AMZ2: variants seen among roughly 807,000 people sequenced by gnomAD.
AMZ2 encodes archaelysin family metallopeptidase 2, also known as archaemetzincin-2.
Under a neutral mutation model 36.7 loss-of-function variants are expected in AMZ2, and 26 were observed. That is an observed-to-expected ratio of 0.71 (90% CI 0.52 to 0.98). AMZ2 has a LOEUF of 0.98. Ranked by LOEUF, AMZ2 falls within the 50% of genes least tolerant of loss-of-function variation. The pLI is 0.00. For synonymous variants in AMZ2, 144 were observed against 149.1 expected (o/e 0.97, Z 0.25); for missense variants, 394 against 430.5 (o/e 0.92, Z 0.75).
chr17:68,246,195 C>CAAAAAAAAAAAA (rs57477453), upstream of AMZ2, among the ~76,000 whole-genome samples: 37 of 83,816 alleles, frequency 4.4e-4, 1 homozygote, highest in South Asian at 1.4e-3. Context: ...ACTAAAAATA[C>CAAAAAAAAAAAA]AAAAAAAAAA....
upstream of AMZ2, among the ~76,000 whole-genome samples, chr17:68,243,225 C>T (rs1168628612): frequency 6.6e-6 from 1 of 151,872 alleles, no homozygotes; most frequent in Non-Finnish European, 1.5e-5. Context: ...ACCTCCGTCT[C>T]CCGGGTTCAA....
rs1555742568 is a variant in AMZ2 at position 68,255,811 on chromosome 17, C to A, written c.862C>A (p.Leu288Ile). ...LEEADRRPLN[L>I]CPICLHKLQC... ...AGAAGCTGACCGGCGCCCTCTAAAC[C>A]TTTGCCCTATCTGTTTGCACAAGTT... The change falls in exon 6 of 7, where the codon CTT (leucine) becomes ATT (isoleucine). Residue 288 changes from leucine to isoleucine, a missense_variant. By Grantham distance (5) the Leu-to-Ile change is conservative. Coordinates refer to ENST00000359904, the MANE Select transcript of AMZ2 (RefSeq NM_016627.5). 1 of 1,614,176 alleles carries A rather than the reference C, an allele frequency of 6.2e-7. No homozygotes were observed. The highest frequency in any genetic ancestry group is 1.7e-5 in the Admixed American group (1 of 60,022).
upstream of AMZ2, among the ~76,000 whole-genome samples, chr17:68,244,088 G>C (rs1353937602): frequency 6.6e-6 from 1 of 152,188 alleles, no homozygotes; most frequent in Non-Finnish European, 1.5e-5. Flanking sequence ...ACAGGAGCCA[G>C]GTTTCTCTCT....
intron 1 of AMZ2, among the ~76,000 whole-genome samples, chr17:68,219,777 G>A (rs2073299800): frequency 1.3e-5 from 2 of 149,966 alleles, no homozygotes; most frequent in Admixed American, 1.3e-4. Flanking sequence ...CAAACAATCT[G>A]CCCACCTCAG....
chr17:68,249,228 A>C (rs1200520064), intron 1 of AMZ2: 1 of 482,400 alleles, frequency 2.1e-6, no homozygotes, highest in Admixed American at 5.2e-5. Context: ...GGCTTACATT[A>C]GTTTTGTTTT....
In AMZ2 at chr17:68,250,369, C is replaced by T; in HGVS notation, c.182C>T (p.Thr61Ile). 1.2e-6 allele frequency: 2 copies of T among 1,614,194 alleles called. No homozygotes were observed. Among genetic ancestry groups the T allele is most frequent in the Non-Finnish European group, 1.7e-6 (2 of 1,180,046 alleles). Residue 61 changes from threonine to isoleucine, a missense_variant, in exon 2 of 7, where the codon ACC (threonine) becomes ATC (isoleucine). Thr to Ile is a moderately conservative substitution (Grantham distance 89, BLOSUM62 -1). Transcript: ENST00000359904. ...TTGCATTCTCCATCAGATTGGATCA[C>T]CTCCCACCCTGAGGCTCCCCAAGAC... Reference protein sequence around the residue: ...ITLHSPSDWITSHPEAPQDFE... With the variant: ...ITLHSPSDWIISHPEAPQDFE...
intron 1 of AMZ2, among the ~76,000 whole-genome samples, chr17:68,220,976 GT>G (rs2073338202): frequency 1.3e-5 from 2 of 151,888 alleles, no homozygotes; most frequent in African/African-American, 4.8e-5. Flanking sequence ...TAGAGACAAG[GT>G]TTCTCCATGT....
chr17:68,228,332 GCA>G (rs1202025119), intron 1 of AMZ2, among the ~76,000 whole-genome samples: 16 of 152,196 alleles, frequency 1.1e-4, no homozygotes, highest in African/African-American at 3.9e-4. Context: ...CTCCTCTGAT[GCA>G]CAGAGATGGA....
rs1260511388 is a variant in AMZ2 at position 68,248,420 on chromosome 17, C to G, written c.-286C>G. 1.0e-6 allele frequency: 1 copy of G among 986,196 alleles called. No individual in the cohort carries two copies. The highest frequency in any genetic ancestry group is 4.7e-5 in the South Asian group (1 of 21,300). 61.1% of individuals were successfully genotyped at this position (986,196 alleles called of 1,614,324 possible). On this transcript the variant is annotated 5_prime_UTR_variant, in exon 1 of 7. Coordinates refer to ENST00000359904, the MANE Select transcript of AMZ2 (RefSeq NM_016627.5). ...GTGCGAGTTGCTATAGGCAACCAGCCAGGGTGGCCAGCTCCTTCCCGTTTG... is the reference window on the plus strand; with the variant it reads ...GTGCGAGTTGCTATAGGCAACCAGCGAGGGTGGCCAGCTCCTTCCCGTTTG...
intron 1 of AMZ2, among the ~76,000 whole-genome samples, chr17:68,208,142 C>T (rs1386006834): frequency 2.0e-5 from 3 of 152,296 alleles, no homozygotes; most frequent in East Asian, 1.9e-4. Context: ...TGACGAGCAC[C>T]GCCCCCTGCC....
intron 1 of AMZ2, among the ~76,000 whole-genome samples, chr17:68,240,351 G>A (rs782211493): frequency 3.6e-4 from 55 of 152,220 alleles, no homozygotes; most frequent in Non-Finnish European, 6.8e-4. Flanking sequence ...CCATAGCAGG[G>A]TGCAAAATAA....
intron 1 of AMZ2, among the ~76,000 whole-genome samples, chr17:68,218,496 A>G (rs571501793): frequency 1.8e-4 from 28 of 152,342 alleles, no homozygotes; most frequent in Non-Finnish European, 3.2e-4. Flanking sequence ...GCATTTAAGC[A>G]GCATTTAAAA....
chr17:68,240,165 C>G (rs781854055), intron 1 of AMZ2, among the ~76,000 whole-genome samples: 19 of 152,122 alleles, frequency 1.2e-4, no homozygotes, highest in Non-Finnish European at 2.5e-4. Context: ...AGTGGCCTCA[C>G]ATGGCAGAAG....
Position 68,221,212 on chromosome 17 carries a change from C to CCG in AMZ2, c.-67+14975_-67+14976insGC, listed in dbSNP as rs373298060. Among the ~76,000 whole-genome samples, 472 of 80,918 alleles carry CCG rather than the reference C, an allele frequency of 5.8e-3. 13 individuals carry two copies. Among genetic ancestry groups the CCG allele is most frequent in the South Asian group, 0.038 (61 of 1,620 alleles). The allele number at this position is 80,918 out of a possible 152,430, so 53.1% of individuals were successfully genotyped here. A position where few individuals can be genotyped will look rare whatever the true frequency, so the allele number is the denominator to read the frequency against. ...TCTTCCTGCCTCAGCCCTCAGCTCC[C>CCG]CCCCCCGCCCCCCCGGTAGCTAGGA... On this transcript the variant is annotated intron_variant, in intron 1 of 7. Coordinates refer to the AMZ2 transcript ENST00000674770.
In AMZ2 at chr17:68,248,091, G is replaced by C. The variant is rs542873794; in HGVS notation, c.-615G>C. On this transcript the variant is annotated 5_prime_UTR_variant, in exon 1 of 7. Coordinates refer to ENST00000359904, the MANE Select transcript of AMZ2 (RefSeq NM_016627.5). ...TGCGCGTGAGGGCTGCCGCGGGTGG[G>C]TGGTATCGAGGCCTGTCGGGTCAGG... 1.9e-5 allele frequency: 19 copies of C among 986,362 alleles called. No individual in the cohort carries two copies. In the Admixed American group the frequency reaches 2.5e-4, roughly 13 times the overall value. The allele number at this position is 986,362 out of a possible 1,614,324, so 61.1% of individuals were successfully genotyped here. A position where few individuals can be genotyped will look rare whatever the true frequency, so the allele number is the denominator to read the frequency against.
chr17:68,247,996 CGGCGCGTGGCGTAAGGGGCGT>C, upstream of AMZ2: 2 of 985,812 alleles, frequency 2.0e-6, no homozygotes, highest in Non-Finnish European at 2.4e-6. Flanking sequence ...CGCAGCGGCG[CGGCGCGTGGCGTAAGGGGCGT>C]GGCGCCAGTG....
At chr17:68,218,422 C>T (rs1173304388) in intron 1 of AMZ2, among the ~76,000 whole-genome samples, 3 of 152,042 alleles carry the variant, frequency 2.0e-5, no homozygotes, top group Non-Finnish European at 4.4e-5. Context: ...CTCCTGGGCT[C>T]AAGCGATCCT....
intron 1 of AMZ2, among the ~76,000 whole-genome samples, chr17:68,222,111 G>A (rs1401562317): frequency 3.3e-5 from 5 of 152,252 alleles, no homozygotes; most frequent in African/African-American, 1.2e-4. Flanking sequence ...GGAAGCAGCA[G>A]GTGGAGGGAA....
At chr17:68,224,992 CCATGGTG>C (rs2073476043) in intron 1 of AMZ2, among the ~76,000 whole-genome samples, 1 of 141,722 alleles carries the variant, frequency 7.1e-6, no homozygotes, top group South Asian at 2.3e-4. Context: ...AGCCTGGCTA[CCATGGTG>C]AAACCCCGTT....
Sources: gnomAD v4.1 joint callset for allele counts (sites outside exome capture counted in the v4.1 genomes callset) on GRCh38, gnomAD v4.1.1 for gene constraint, MANE v1.5 for transcripts, NCBI Gene and HGNC (gene_info 2026-07-23, HGNC 2026-07-21) for gene names.